AKT3: variants seen among roughly 807,000 people sequenced by gnomAD.
AKT3 encodes AKT serine/threonine kinase 3, also known as RAC-gamma serine/threonine-protein kinase.
AKT3 carries 15 observed loss-of-function variants against 65.3 expected under a neutral mutation model. The ratio of observed to expected loss-of-function variants is 0.23; its 90% CI spans 0.15 to 0.35. The LOEUF (loss-of-function observed/expected upper bound fraction) is 0.35. Among genes scored for constraint, AKT3 ranks in the 10% least tolerant of loss-of-function variants. The pLI, the probability that AKT3 is intolerant of heterozygous loss-of-function variation, is 1.00. For missense variants in AKT3, 243 were observed against 576.5 expected (o/e 0.42, Z 5.92); for synonymous variants, 206 against 183.8 (o/e 1.12, Z -0.98).
At chr1:243,545,812 G>A (rs1672627631) in intron 11 of AKT3, among the ~76,000 whole-genome samples, 2 of 152,200 alleles carry the variant, frequency 1.3e-5, no homozygotes, top group African/African-American at 4.8e-5. Flanking sequence ...GAAAAGAGCA[G>A]AGGCTTTAGA....
At chr1:243,801,375 G>T (rs1463412470) in intron 2 of AKT3, among the ~76,000 whole-genome samples, 1 of 152,088 alleles carries the variant, frequency 6.6e-6, no homozygotes, top group African/African-American at 2.4e-5. Flanking sequence ...AGCCATTTTT[G>T]ACCTAATAAT....
intron 4 of AKT3, among the ~76,000 whole-genome samples, chr1:243,661,462 C>T (rs1026647291): frequency 1.3e-5 from 2 of 151,406 alleles, no homozygotes; most frequent in African/African-American, 4.9e-5. Flanking sequence ...GGAAAGGATT[C>T]CCTATTTAAT....
At chr1:243,538,492 T>C (rs1265504470) in intron 12 of AKT3, among the ~76,000 whole-genome samples, 2 of 152,134 alleles carry the variant, frequency 1.3e-5, no homozygotes, top group Non-Finnish European at 2.9e-5. Flanking sequence ...AGTCGTATTT[T>C]CTAATGAATA....
intron 2 of AKT3, among the ~76,000 whole-genome samples, chr1:243,749,630 CTT>C (rs1306642871): frequency 6.6e-6 from 1 of 152,218 alleles, no homozygotes; most frequent in African/African-American, 2.4e-5. Context: ...GAATCTCTCT[CTT>C]GGATCTTTCT....
intron 5 of AKT3, among the ~76,000 whole-genome samples, chr1:243,641,748 A>C (rs1680409199): frequency 6.6e-6 from 1 of 152,140 alleles, no homozygotes; most frequent in African/African-American, 2.4e-5. Context: ...CAGCCTGGGC[A>C]ACATGGCAAA....
intron 2 of AKT3, among the ~76,000 whole-genome samples, chr1:243,817,273 G>T (rs1023609785): frequency 6.6e-6 from 1 of 152,170 alleles, no homozygotes; most frequent in African/African-American, 2.4e-5. Context: ...ATGAAAAAAA[G>T]ATAAATTGTT....
chr1:243,653,093 T>C (rs538974695), intron 4 of AKT3, among the ~76,000 whole-genome samples: 2 of 151,426 alleles, frequency 1.3e-5, no homozygotes, highest in African/African-American at 4.8e-5. Context: ...ACAAAATAGA[T>C]AGACCTCTAG....
At chr1:243,590,543 A>T (rs1676151393) in intron 8 of AKT3, among the ~76,000 whole-genome samples, 1 of 152,202 alleles carries the variant, frequency 6.6e-6, no homozygotes, top group African/African-American at 2.4e-5. Flanking sequence ...AAAATCAGAG[A>T]TGATGGAATT....
intron 8 of AKT3, among the ~76,000 whole-genome samples, chr1:243,581,584 A>G (rs535096469): frequency 2.6e-5 from 4 of 152,236 alleles, no homozygotes; most frequent in Non-Finnish European, 5.9e-5. Flanking sequence ...AAAGAAAAAG[A>G]AAGAAAAAAT....
rs1353565167 is a variant in AKT3, at chr1:243,505,279, T to C, written c.1410A>G (p.Gln470=). 34 of 1,614,068 alleles carry C rather than the reference T, an allele frequency of 2.1e-5. No homozygotes were observed. The East Asian group carries it at 5.3e-4, about 25-fold the overall frequency. ...MDNERRPHFP[Q]FSYSASGRE ...CTCGTCCACTTGCAGAGTAGGAAAA[T>C]TGAGGGAAATGCGGCCGCCTCTCAT... The change falls in exon 14 of 14, where the codon CAA becomes CAG. Residue 470 remains glutamine (Q), a synonymous_variant. Transcript: ENST00000673466.
At chr1:243,832,420 G>GT (rs1324893501) in intron 2 of AKT3, among the ~76,000 whole-genome samples, 3 of 152,208 alleles carry the variant, frequency 2.0e-5, no homozygotes, top group African/African-American at 7.2e-5. Flanking sequence ...ATAAATTTGT[G>GT]TATCTATACA....
intron 13 of AKT3, among the ~76,000 whole-genome samples, chr1:243,511,316 C>G (rs1043367538): frequency 1.3e-5 from 2 of 152,198 alleles, no homozygotes; most frequent in African/African-American, 4.8e-5. Context: ...CCCCTTGTGG[C>G]CAGACCATGG....
intron 6 of AKT3, among the ~76,000 whole-genome samples, chr1:243,622,892 A>G (rs963124291): frequency 1.3e-5 from 2 of 152,350 alleles, no homozygotes; most frequent in South Asian, 2.1e-4. Context: ...TTAAGAGTCC[A>G]AGGAAAAAGA....
At chr1:243,616,030 T>A (rs570882753) in intron 6 of AKT3, among the ~76,000 whole-genome samples, 1 of 152,128 alleles carries the variant, frequency 6.6e-6, no homozygotes, top group Non-Finnish European at 1.5e-5. Flanking sequence ...TTGTTTTTTT[T>A]CCTTTGGTTG....
chr1:243,795,952 T>A (rs1034460120), intron 2 of AKT3, among the ~76,000 whole-genome samples: 2 of 152,208 alleles, frequency 1.3e-5, no homozygotes, highest in Admixed American at 6.5e-5. Context: ...CCTGTCAGTG[T>A]ACACAGATTT....
chr1:243,513,044 C>A (rs978840306), intron 12 of AKT3, among the ~76,000 whole-genome samples: 11 of 152,198 alleles, frequency 7.2e-5, no homozygotes, highest in Non-Finnish European at 4.4e-5. Flanking sequence ...GACCACAGCC[C>A]AGAAGAGATT....
At chr1:243,844,799 G>A (rs1005734893) in intron 1 of AKT3, among the ~76,000 whole-genome samples, 1 of 152,120 alleles carries the variant, frequency 6.6e-6, no homozygotes, top group Non-Finnish European at 1.5e-5. Flanking sequence ...GATGTATGCG[G>A]GAAAGTCCTC....
intron 2 of AKT3, among the ~76,000 whole-genome samples, chr1:243,823,321 C>T (rs2148428624): frequency 6.6e-6 from 1 of 152,270 alleles, no homozygotes; most frequent in African/African-American, 2.4e-5. Flanking sequence ...CAGTATCTTA[C>T]TGAATGGGCA....
chr1:243,772,369 A>T (rs1367393136), intron 2 of AKT3, among the ~76,000 whole-genome samples: 2 of 152,188 alleles, frequency 1.3e-5, no homozygotes, highest in Admixed American at 6.6e-5. Flanking sequence ...TCAAAAAAAC[A>T]GGCAAAGGAT....
Sources: allele counts gnomAD v4.1 joint callset (sites outside exome capture counted in the v4.1 genomes callset), GRCh38; gene constraint gnomAD v4.1.1; transcripts MANE v1.5; gene names NCBI Gene and HGNC (gene_info 2026-07-23, HGNC 2026-07-21).